Variants in AIG1 observed in about 807,000 individuals in gnomAD.
AIG1 encodes androgen-induced gene 1 protein.
A neutral mutation model predicts 31.4 loss-of-function variants in AIG1; 23 were observed. The ratio of observed to expected loss-of-function variants is 0.73; its 90% confidence interval spans 0.53 to 1.04. AIG1 has a LOEUF of 1.04. AIG1 is among the 50% of genes least tolerant of loss of function. The pLI is 0.00. For synonymous variants in AIG1, 100 were observed against 110.5 expected (o/e 0.90, Z 0.60); for missense variants, 274 against 295.0 (o/e 0.93, Z 0.52).
At chr6:143,254,874 A>G (rs1306384947) in intron 3 of AIG1, among the ~76,000 whole-genome samples, 1 of 152,114 alleles carries the variant, frequency 6.6e-6, no homozygotes, top group Non-Finnish European at 1.5e-5. Context: ...AGTAATAATT[A>G]GCCAGGCATG....
At position 143,321,620 on chromosome 6, in the gene AIG1, T is replaced by C. The variant is rs897033767; in HGVS notation, c.516-11662T>C. On this transcript the variant is annotated intron_variant, in intron 4 of 5. Coordinates refer to ENST00000357847, the MANE Select transcript of AIG1 (RefSeq NM_016108.4). ...AAAATTAAAATGAAATGAAATGAAA[T>C]CTAGAAGGAACCGCTGAAAGGGTTG... is the stretch of plus-strand genomic sequence containing the variant. Among the ~76,000 whole-genome samples the C allele has an allele frequency of 2.6e-5, 4 of 151,768 alleles. 1 individual carries two copies. The highest frequency in any genetic ancestry group is 5.9e-5 in the Non-Finnish European group (4 of 67,958).
intron 3 of AIG1, among the ~76,000 whole-genome samples, chr6:143,261,490 G>A (rs1041376838): frequency 6.6e-6 from 1 of 152,170 alleles, no homozygotes; most frequent in African/African-American, 2.4e-5. Flanking sequence ...TTTGGGGGAG[G>A]TGTGTGAATA....
rs560233268 is a variant in AIG1, at chr6:143,328,038, A to G, written c.516-5244A>G. Among the ~76,000 whole-genome samples, 15 of 152,228 alleles carry G rather than the reference A, an allele frequency of 9.9e-5. No homozygotes were observed. The highest frequency in any genetic ancestry group is 1.5e-4 in the Non-Finnish European group (10 of 68,046). ...GAATGAACTCATCAACTGAGAATGC[A>G]TAAGAGAAAACAGTTTGGAAACCAA... is the stretch of plus-strand genomic sequence containing the variant. On this transcript the variant is annotated intron_variant, in intron 4 of 5. Coordinates refer to ENST00000357847, the MANE Select transcript of AIG1 (RefSeq NM_016108.4). This position sits in a 1 kb window ranked among gnomAD's most constrained non-coding sequence, Gnocchi z 4.0.
chr6:143,065,770 G>T (rs1464912808), intron 1 of AIG1, among the ~76,000 whole-genome samples: 1 of 152,196 alleles, frequency 6.6e-6, no homozygotes, highest in East Asian at 1.9e-4. Context: ...TTATTCATAT[G>T]TATATGGTAG....
intron 2 of AIG1, among the ~76,000 whole-genome samples, chr6:143,150,301 G>A (rs1329497034): frequency 1.3e-5 from 2 of 152,172 alleles, no homozygotes; most frequent in Non-Finnish European, 2.9e-5. Flanking sequence ...AAGAAAGGCA[G>A]AGCAACTTTC....
At chr6:143,273,617 T>G (rs1583695540) in intron 3 of AIG1, among the ~76,000 whole-genome samples, 1 of 152,268 alleles carries the variant, frequency 6.6e-6, no homozygotes, top group East Asian at 1.9e-4. Flanking sequence ...AATGGACTCA[T>G]AGTTCCACGT....
At position 143,280,070 on chromosome 6, in the gene AIG1, C is replaced by T. The variant is rs1174086000; in HGVS notation, c.400-4040C>T. 2.0e-5 allele frequency among the ~76,000 whole-genome samples: 3 copies of T among 152,218 alleles called. No homozygotes were observed. The highest frequency in any genetic ancestry group is 6.5e-5 in the Admixed American group (1 of 15,286). ...TGGTGACTAGACTTTGTAACCATCT[C>T]ATTTATCCAAGGTGGATCTACATCT... On this transcript the variant is annotated intron_variant, in intron 3 of 5. Coordinates refer to ENST00000357847, the MANE Select transcript of AIG1 (RefSeq NM_016108.4). The surrounding 1 kb of genome is among the most constrained non-coding windows in gnomAD (Gnocchi z 4.1).
intron 1 of AIG1, among the ~76,000 whole-genome samples, chr6:143,072,940 A>G (rs923681508): frequency 2.0e-5 from 3 of 152,218 alleles, no homozygotes; most frequent in African/African-American, 7.2e-5. Context: ...TTTATTACAT[A>G]GAGTCCTCAT....
In AIG1 at chr6:143,326,826, G is replaced by A. The variant is rs1776651821; in HGVS notation, c.516-6456G>A. On this transcript the variant is annotated intron_variant, in intron 4 of 5. Transcript: ENST00000357847. The surrounding 1 kb of genome is among the most constrained non-coding windows in gnomAD (Gnocchi z 4.5). The stretch of plus-strand genomic sequence containing the variant: ...AAACCCACATTGCAGGAGGGAACAT[G>A]ACAAGATCAAGGAACCAAATGAAAG... 6.6e-6 allele frequency among the ~76,000 whole-genome samples: 1 copy of A among 152,186 alleles called. No homozygotes were observed. The highest frequency in any genetic ancestry group is 1.9e-4 in the East Asian group (1 of 5,198).
At chr6:143,223,043 A>G (rs558089729) in intron 3 of AIG1, among the ~76,000 whole-genome samples, 70 of 152,344 alleles carry the variant, frequency 4.6e-4, no homozygotes, top group African/African-American at 1.6e-3. Context: ...TCGAAGCAGT[A>G]TCATTGAATC....
rs767119839 is a variant in AIG1, at chr6:143,167,880, A to G, written c.399+2697A>G. ...GTTCTTTGGTTTTCCTCATGTTCCA[A>G]TTGATAGTTCCAGAATTACTGAGAA... is the stretch of plus-strand genomic sequence containing the variant. On this transcript the variant is annotated intron_variant, in intron 3 of 5. Transcript: ENST00000357847. 2.4e-4 allele frequency among the ~76,000 whole-genome samples: 36 copies of G among 152,316 alleles called. No homozygotes were observed. In the South Asian group the frequency reaches 2.5e-3, roughly 11 times the overall value.
At chr6:143,300,045 G>T (rs1194181548) in intron 4 of AIG1, among the ~76,000 whole-genome samples, 1 of 152,190 alleles carries the variant, frequency 6.6e-6, no homozygotes, top group Non-Finnish European at 1.5e-5. Flanking sequence ...CACCAGATGA[G>T]CCCCATGTCT....
At chr6:143,294,823 A>G (rs1199366581) in intron 4 of AIG1, among the ~76,000 whole-genome samples, 1 of 152,046 alleles carries the variant, frequency 6.6e-6, no homozygotes, top group Admixed American at 6.6e-5. Context: ...CATTCTGAAG[A>G]TGATCCCTCT....
chr6:143,061,729 G>A (rs9321890), intron 1 of AIG1: 2 of 169,728 alleles, frequency 1.2e-5, no homozygotes, highest in African/African-American at 4.8e-5. Flanking sequence ...CAAATTTACA[G>A]TAGTTTGCAT....
chr6:143,060,679 G>A (rs532762483), upstream of AIG1: 34 of 450,116 alleles, frequency 7.6e-5, no homozygotes, highest in East Asian at 1.0e-3. Flanking sequence ...ACGACACGCC[G>A]CCTGCCAGGC....
intron 1 of AIG1, among the ~76,000 whole-genome samples, chr6:143,092,656 C>T (rs1223226685): frequency 6.6e-6 from 1 of 152,104 alleles, no homozygotes; most frequent in African/African-American, 2.4e-5. Context: ...ATGCTGTAAA[C>T]AGAACCCTTA....
chr6:143,243,003 G>A (rs1794354564), intron 3 of AIG1, among the ~76,000 whole-genome samples: 2 of 152,224 alleles, frequency 1.3e-5, no homozygotes, highest in African/African-American at 2.4e-5. Context: ...ACCCACTAGA[G>A]TTATTGGGTT....
intron 3 of AIG1, among the ~76,000 whole-genome samples, chr6:143,224,405 C>T (rs1374242244): frequency 6.6e-6 from 1 of 152,168 alleles, no homozygotes; most frequent in Admixed American, 6.6e-5. Flanking sequence ...GGATTCAAAT[C>T]CAGGTTGGCC....
At chr6:143,184,445 A>C (rs1275030107) in intron 3 of AIG1, among the ~76,000 whole-genome samples, 2 of 152,158 alleles carry the variant, frequency 1.3e-5, no homozygotes, top group Admixed American at 6.5e-5. Context: ...CCTTGAGATA[A>C]ACCAAACTGA....
Sources: allele counts gnomAD v4.1 joint callset (sites outside exome capture counted in the v4.1 genomes callset), GRCh38; gene constraint gnomAD v4.1.1; non-coding constraint Gnocchi (gnomAD v3.1); transcripts MANE v1.5; gene names NCBI Gene and HGNC (gene_info 2026-07-23, HGNC 2026-07-21).